The following CSNK1G3 variants were observed in gnomAD, a reference collection of about 807,000 sequenced individuals.
The protein encoded by CSNK1G3 is casein kinase 1 gamma 3, also known as casein kinase I isoform gamma-3.
Under a neutral mutation model 64.3 loss-of-function variants are expected in CSNK1G3, and 23 were observed. That is an observed-to-expected ratio of 0.36 (90% confidence interval 0.26 to 0.51). CSNK1G3 has a LOEUF of 0.51. Among genes scored for constraint, CSNK1G3 ranks in the 20% least tolerant of loss-of-function variants. The pLI is 0.96. For synonymous variants in CSNK1G3, 158 were observed against 162.2 expected (o/e 0.97, Z 0.20); for missense variants, 357 against 510.5 (o/e 0.70, Z 2.90).
chr5:123,542,840 C>A (rs1324482220), intron 1 of CSNK1G3, among the ~76,000 whole-genome samples: 2 of 123,226 alleles, frequency 1.6e-5, no homozygotes, highest in African/African-American at 7.4e-5. Context: ...TTGTGATATG[C>A]CTAGATTTAG....
chr5:123,521,510 A>G (rs1013468267), intron 1 of CSNK1G3, among the ~76,000 whole-genome samples: 1 of 152,178 alleles, frequency 6.6e-6, no homozygotes, highest in African/African-American at 2.4e-5. Context: ...GAGTTTGCTT[A>G]TTATTGTATG....
chr5:123,575,294 T>C (rs1487967738), intron 5 of CSNK1G3, among the ~76,000 whole-genome samples: 1 of 152,216 alleles, frequency 6.6e-6, no homozygotes, highest in Admixed American at 6.5e-5. Context: ...TACTTAATAG[T>C]TTAGACTCTT....
At chr5:123,582,268 C>G (rs1384621424) in intron 6 of CSNK1G3, among the ~76,000 whole-genome samples, 1 of 152,028 alleles carries the variant, frequency 6.6e-6, no homozygotes, top group African/African-American at 2.4e-5. Context: ...GGTTTCCAAT[C>G]AACATTGATT....
rs549405096 is a variant in CSNK1G3 at position 123,603,424 on chromosome 5, C to T, written c.1087-1300C>T. The stretch of plus-strand genomic sequence containing the variant: ...GCATACATGCATTCATTTATTTCAA[C>T]GTATATTTATTGAGTTCCTATTCTC... On this transcript the variant is annotated intron_variant, in intron 10 of 12. Coordinates refer to ENST00000345990, the Ensembl canonical transcript of CSNK1G3. Among the ~76,000 whole-genome samples, 15 of 152,026 alleles carry T rather than the reference C, an allele frequency of 9.9e-5. No individual in the cohort carries two copies. The South Asian group carries it at 2.3e-3, about 23-fold the overall frequency.
chr5:123,535,008 T>G (rs1178780276), intron 1 of CSNK1G3, among the ~76,000 whole-genome samples: 1 of 152,144 alleles, frequency 6.6e-6, no homozygotes, highest in Non-Finnish European at 1.5e-5. Context: ...ACCGTGAAAG[T>G]CCACTTTCTC....
chr5:123,591,696 T>C (rs996267029), intron 10 of CSNK1G3, among the ~76,000 whole-genome samples: 7 of 152,130 alleles, frequency 4.6e-5, no homozygotes, highest in African/African-American at 1.7e-4. Flanking sequence ...TAATAACACT[T>C]GGACTTTCTA....
intron 6 of CSNK1G3, among the ~76,000 whole-genome samples, chr5:123,585,645 A>C (rs1791195079): frequency 6.6e-6 from 1 of 152,226 alleles, no homozygotes; most frequent in Non-Finnish European, 1.5e-5. Flanking sequence ...AATTTTTTAA[A>C]CAGGCAAACA....
At chr5:123,546,750 G>A (rs1335456744) in intron 2 of CSNK1G3, among the ~76,000 whole-genome samples, 3 of 151,928 alleles carry the variant, frequency 2.0e-5, no homozygotes, top group Non-Finnish European at 2.9e-5. Context: ...TTATGTTTAT[G>A]TATTCAACTA....
At chr5:123,519,677 T>A (rs1777755993) in intron 1 of CSNK1G3, among the ~76,000 whole-genome samples, 1 of 151,944 alleles carries the variant, frequency 6.6e-6, no homozygotes, top group African/African-American at 2.4e-5. Flanking sequence ...GGAATTCCAG[T>A]GAGATTGGAG....
chr5:123,610,786 G>A (rs1796192922), intron 12 of CSNK1G3, among the ~76,000 whole-genome samples: 1 of 151,920 alleles, frequency 6.6e-6, no homozygotes, highest in African/African-American at 2.4e-5. Flanking sequence ...GACCAGCCTG[G>A]GCAACATAGT....
chr5:123,562,110 G>A (rs1785855553), intron 4 of CSNK1G3, among the ~76,000 whole-genome samples: 1 of 151,978 alleles, frequency 6.6e-6, no homozygotes, highest in Non-Finnish European at 1.5e-5. Context: ...ACTATTCCTT[G>A]AGTAGATCTT....
At chr5:123,575,707 C>T in intron 5 of CSNK1G3, 22 bp from the exon 6 acceptor site, 1 of 1,530,234 alleles carries the variant, frequency 6.5e-7, no homozygotes, top group Admixed American at 1.7e-5. Context: ...TAAAACTTCT[C>T]TTCTTTTTTT....
chr5:123,585,022 G>A (rs1791046269), intron 6 of CSNK1G3, among the ~76,000 whole-genome samples: 1 of 151,756 alleles, frequency 6.6e-6, no homozygotes, highest in Non-Finnish European at 1.5e-5. Context: ...TGTTTTCATT[G>A]GTTTTCATTA....
At chr5:123,607,051 G>A (rs1036516803) in intron 12 of CSNK1G3, among the ~76,000 whole-genome samples, 4 of 152,172 alleles carry the variant, frequency 2.6e-5, no homozygotes, top group Admixed American at 2.0e-4. Flanking sequence ...GTTGGGATGA[G>A]TGTGGGTGTG....
At chr5:123,556,512 C>T (rs769712362) in intron 3 of CSNK1G3, among the ~76,000 whole-genome samples, 16 of 151,954 alleles carry the variant, frequency 1.1e-4, no homozygotes, top group South Asian at 6.2e-4. Context: ...TATAGTTTTT[C>T]TGTCTGCCTT....
chr5:123,585,916 C>A (rs1266673843), intron 6 of CSNK1G3, among the ~76,000 whole-genome samples: 1 of 152,150 alleles, frequency 6.6e-6, no homozygotes, highest in Non-Finnish European at 1.5e-5. Context: ...ATACTTACAA[C>A]ATCATGTAGC....
chr5:123,585,338 A>T (rs900245695), intron 6 of CSNK1G3, among the ~76,000 whole-genome samples: 4 of 152,150 alleles, frequency 2.6e-5, no homozygotes, highest in African/African-American at 9.6e-5. Context: ...TAATAGGTTT[A>T]AATGTAGGAA....
chr5:123,550,466 A>G (rs1581067853), intron 2 of CSNK1G3, among the ~76,000 whole-genome samples: 2 of 152,312 alleles, frequency 1.3e-5, no homozygotes, highest in East Asian at 3.9e-4. Flanking sequence ...AGAGGCAGGC[A>G]ATGTAGTCTT....
chr5:123,585,953 C>T (rs974437448), intron 6 of CSNK1G3, among the ~76,000 whole-genome samples: 1 of 152,008 alleles, frequency 6.6e-6, no homozygotes, highest in African/African-American at 2.4e-5. Context: ...ATTAACCCAA[C>T]ATAAATGAAA....
Sources: gnomAD v4.1 joint callset for allele counts (sites outside exome capture counted in the v4.1 genomes callset) on GRCh38, gnomAD v4.1.1 for gene constraint, MANE v1.5 for transcripts, NCBI Gene and HGNC (gene_info 2026-07-23, HGNC 2026-07-21) for gene names.